Variants in ERCC6 observed in about 807,000 individuals in gnomAD.
ERCC6 encodes DNA excision repair protein ERCC-6.
A neutral mutation model predicts 158.7 loss-of-function variants in ERCC6; 116 were observed. The observed-to-expected ratio is 0.73, with a 90% CI of 0.63 to 0.85. The LOEUF is 0.85. Among genes scored for constraint, ERCC6 ranks in the 40% least tolerant of loss-of-function variants. The pLI is 0.00. For synonymous variants in ERCC6, 678 were observed against 659.3 expected (o/e 1.03, Z -0.43); for missense variants, 1,698 against 1,799.4 (o/e 0.94, Z 1.02).
At position 49,530,857 on chromosome 10, in the gene ERCC6, A is replaced by C. The variant is rs769047362; in HGVS notation, c.423-17T>G. ...GTACATGACCTGAAAAATAAGATAA[A>C]TTGTCTATTTTGCACTCTGATAACA... On this transcript the variant is annotated splice_polypyrimidine_tract_variant and intron_variant, in intron 2 of 20. Coordinates refer to ENST00000355832, the MANE Select transcript of ERCC6 (RefSeq NM_000124.4). 7 of 1,611,864 alleles carry C rather than the reference A, an allele frequency of 4.3e-6. No individual in the cohort carries two copies. The Admixed American group carries it at 1.2e-4, about 27-fold the overall frequency.
chr10:49,482,626 T>C, intron 10 of ERCC6, 61 bp downstream of exon 10: 1 of 1,470,346 alleles, frequency 6.8e-7, no homozygotes, highest in Non-Finnish European at 9.5e-7. Flanking sequence ...CAAATTATAG[T>C]ATTTAATAGG....
At chr10:49,539,343 GA>G (rs1837684006), upstream of ERCC6, 1 of 152,332 alleles carries the variant, frequency 6.6e-6, no homozygotes, top group Non-Finnish European at 1.5e-5. Flanking sequence ...CGTAGAGGGG[GA>G]TGCGGGTGTG....
chr10:49,443,919 A>T, the ERCC6 span, among the ~76,000 whole-genome samples: 1 of 152,202 alleles, frequency 6.6e-6, no homozygotes, highest in African/African-American at 2.4e-5. Flanking sequence ...TATCCCTGTC[A>T]TTAAGTGACA....
intron 3 of ERCC6, among the ~76,000 whole-genome samples, chr10:49,529,520 C>G (rs951935845): frequency 2.0e-5 from 3 of 152,212 alleles, no homozygotes; most frequent in African/African-American, 7.2e-5. Flanking sequence ...ACCAGATGTC[C>G]TCTCTCTGAT....
chr10:49,503,763 A>G (rs1473019327), intron 6 of ERCC6: 2 of 152,190 alleles, frequency 1.3e-5, no homozygotes, highest in Non-Finnish European at 2.9e-5. Context: ...TGAAAAGCAT[A>G]TAAAAATTAC....
At chr10:49,523,201 G>C (rs1837217010) in intron 5 of ERCC6, among the ~76,000 whole-genome samples, 1 of 152,126 alleles carries the variant, frequency 6.6e-6, no homozygotes, top group Non-Finnish European at 1.5e-5. Context: ...TTTTCCCTTT[G>C]ACTTCCTTAG....
At chr10:49,440,232 T>C in the ERCC6 span, among the ~76,000 whole-genome samples, 3 of 152,340 alleles carry the variant, frequency 2.0e-5, no homozygotes, top group Middle Eastern at 6.8e-3. Context: ...CAGTTCCACA[T>C]GGCTGGGCAG....
chr10:49,501,256 T>C (rs1851350641), intron 6 of ERCC6: 1 of 155,078 alleles, frequency 6.4e-6, no homozygotes, highest in Non-Finnish European at 1.4e-5. Context: ...ATAGGTCTGC[T>C]CTCAAAATTA....
chr10:49,478,542 G>T (rs1331628845), intron 10 of ERCC6, 72 bp from the exon 11 acceptor site: 5 of 881,182 alleles, frequency 5.7e-6, no homozygotes, highest in Non-Finnish European at 9.4e-6. Flanking sequence ...CCTCTCAATT[G>T]CTTCCATTCC....
intron 15 of ERCC6, 168 bp from the exon 16 acceptor site, chr10:49,472,638 A>G: frequency 1.3e-6 from 1 of 793,864 alleles, no homozygotes; most frequent in Admixed American, 2.2e-5. Context: ...CAGCCAGTTG[A>G]AAAGACATCT....
At chr10:49,492,868 T>C (rs1037215871) in intron 8 of ERCC6, among the ~76,000 whole-genome samples, 5 of 152,134 alleles carry the variant, frequency 3.3e-5, no homozygotes, top group Admixed American at 6.5e-5. Context: ...TCTGAGATGA[T>C]TCGTATTTTA....
intron 6 of ERCC6, chr10:49,504,349 A>T (rs1851407566): frequency 6.6e-6 from 1 of 152,190 alleles, no homozygotes; most frequent in South Asian, 2.1e-4. Flanking sequence ...ACTAATTTTT[A>T]AAAAACGAAT....
At chr10:49,505,594 A>G (rs1204566016) in intron 6 of ERCC6, 1 of 274,082 alleles carries the variant, frequency 3.6e-6, no homozygotes, top group Non-Finnish European at 6.8e-6. Flanking sequence ...GAACAAAAAA[A>G]TTATTCAACA....
intron 5 of ERCC6, among the ~76,000 whole-genome samples, chr10:49,507,455 A>C (rs1466898045): frequency 2.0e-5 from 3 of 152,208 alleles, no homozygotes; most frequent in African/African-American, 7.2e-5. Flanking sequence ...TTTATAAAAA[A>C]ATTTAATGTC....
chr10:49,448,009 C>T, the ERCC6 span, among the ~76,000 whole-genome samples: 1 of 152,104 alleles, frequency 6.6e-6, no homozygotes, highest in Non-Finnish European at 1.5e-5. Context: ...TATTCACATA[C>T]AAGTATTTGT....
chr10:49,529,305 C>G (rs1837415202), intron 3 of ERCC6, among the ~76,000 whole-genome samples: 1 of 152,234 alleles, frequency 6.6e-6, no homozygotes, highest in African/African-American at 2.4e-5. Flanking sequence ...CTCAGTTTTT[C>G]TCTCAGCAAC....
In ERCC6 at chr10:49,470,465, T is replaced by G; in HGVS notation, c.3495A>C (p.Thr1165=). The G allele has an allele frequency of 6.2e-7, 1 of 1,614,210 alleles. No individual in the cohort carries two copies. Among genetic ancestry groups the G allele is most frequent in the Non-Finnish European group, 8.5e-7 (1 of 1,180,040 alleles). Reference sequence around the variant, plus strand: ...TTTGTTTATTCTCCCAAAAAGCTTCTGTTTGAGCCTGGCTGGGTCTTTCTC... The same window carrying G: ...TTTGTTTATTCTCCCAAAAAGCTTCGGTTTGAGCCTGGCTGGGTCTTTCTC... ...YKRERPSQAQ[T]EAFWENKQME... Residue 1165 remains threonine, a synonymous_variant, in exon 18 of 21, where the codon ACA becomes ACC. Coordinates refer to ENST00000355832, the MANE Select transcript of ERCC6 (RefSeq NM_000124.4).
At chr10:49,526,212 G>T (rs764647091) in intron 4 of ERCC6, among the ~76,000 whole-genome samples, 3 of 142,486 alleles carry the variant, frequency 2.1e-5, no homozygotes, top group African/African-American at 8.0e-5. Context: ...AAAGTGTTAC[G>T]TTCCAAAGTC....
In ERCC6 at chr10:49,472,979, C is replaced by T. The variant is rs1318015125; in HGVS notation, c.2759G>A (p.Gly920Asp). ...TCTGTTTGCCCCCGTCAGGTTGACA[C>T]CTAAGCCGCCCACCCGCGTGGTCAG... ...FLLTTRVGGL[G>D]VNLTGANRVV... The change falls in exon 15 of 21, where the codon GGT (glycine) becomes GAT (aspartate). Residue 920 changes from glycine to aspartate, a missense_variant. Gly to Asp is a moderately conservative substitution (Grantham distance 94). Coordinates refer to ENST00000355832, the MANE Select transcript of ERCC6 (RefSeq NM_000124.4). 2 of 1,614,044 alleles carry T rather than the reference C, an allele frequency of 1.2e-6. No homozygotes were observed. Among genetic ancestry groups the T allele is most frequent in the African/African-American group, 1.3e-5 (1 of 74,938 alleles).
Sources: gnomAD v4.1 joint callset for allele counts (sites outside exome capture counted in the v4.1 genomes callset) on GRCh38, gnomAD v4.1.1 for gene constraint, MANE v1.5 for transcripts, NCBI Gene and HGNC (gene_info 2026-07-23, HGNC 2026-07-21) for gene names.